The following GLS2 variants were observed in gnomAD, a reference collection of about 807,000 sequenced individuals.
GLS2 encodes the protein glutaminase liver isoform, mitochondrial.
In GLS2, 52 loss-of-function variants were observed where a neutral mutation model predicts 79.0. The ratio of observed to expected loss-of-function variants is 0.66; its 90% CI spans 0.53 to 0.83. The LOEUF is 0.83. GLS2 is among the 40% of genes least tolerant of loss of function. The pLI, the probability that GLS2 is intolerant of heterozygous loss-of-function variation, is 0.00. For synonymous variants in GLS2, 238 were observed against 280.8 expected, an observed-to-expected ratio of 0.85 and a Z score of 1.52; for missense variants, 561 against 764.8, an observed-to-expected ratio of 0.73 and a Z score of 3.14.
In GLS2 at chr12:56,471,707, C is replaced by T. The variant is rs925038346; in HGVS notation, c.1653-64G>A. The T allele has an allele frequency of 5.6e-6, 9 of 1,611,790 alleles. No individual in the cohort carries two copies. The African/African-American group carries it at 1.1e-4, about 19-fold the overall frequency. On this transcript the variant is annotated intron_variant, in intron 17 of 17. Coordinates refer to ENST00000311966, the MANE Select transcript of GLS2 (RefSeq NM_013267.4). ...GGAGAGTGGTGGTTGTATATATTTG[C>T]ATGGTGGCTGGAGGGTAGGTGGAGA...
At chr12:56,484,734 G>A (rs1870553189) in intron 1 of GLS2, among the ~76,000 whole-genome samples, 1 of 152,180 alleles carries the variant, frequency 6.6e-6, no homozygotes. Context: ...CTCAGATATG[G>A]ATGGATCACC....
chr12:56,478,974 ACT>A lies in GLS2; in HGVS notation c.534+76_534+77del, dbSNP rs2136189004. The A allele has an allele frequency of 8.6e-6, 13 of 1,518,736 alleles. No homozygotes were observed. In the South Asian group the frequency reaches 1.2e-4, roughly 15 times the overall value. 94.1% of individuals were successfully genotyped at this position (1,518,736 alleles called of 1,614,324 possible). A position where few individuals can be genotyped will look rare whatever the true frequency, so the allele number is the denominator to read the frequency against. On this transcript the variant is annotated intron_variant, in intron 4 of 17. Transcript: ENST00000311966. ...ACTCCAGCCCGGGTGACAGAGCAAA[ACT>A]CTGTCTCAGGAAAAAAAAAAAAAAA...
intron 5 of GLS2, 31 bp from the exon 6 acceptor site, chr12:56,478,127 TG>T: frequency 6.2e-7 from 1 of 1,614,108 alleles, no homozygotes; most frequent in South Asian, 1.1e-5. Context: ...TGAAAGGGGT[TG>T]GCCTGTGTTC....
chr12:56,476,062 T>C, intron 7 of GLS2, 85 bp from the exon 8 acceptor site: 1 of 1,348,292 alleles, frequency 7.4e-7, no homozygotes, highest in Non-Finnish European at 1.0e-6. Context: ...GGAGTTCTAG[T>C]GTTAGTCTGG....
intron 9 of GLS2, 175 bp from the exon 10 acceptor site, chr12:56,475,285 C>T: frequency 6.7e-7 from 1 of 1,485,332 alleles, no homozygotes; most frequent in Non-Finnish European, 9.1e-7. Context: ...AAACACTCAG[C>T]ATAGTTTTGT....
Position 56,473,231 on chromosome 12 carries a change from A to C in GLS2, c.1446T>G (p.Ile482Met). The C allele has an allele frequency of 6.2e-7, 1 of 1,613,936 alleles. No individual in the cohort carries two copies. The highest frequency in any genetic ancestry group is 8.5e-7 in the Non-Finnish European group (1 of 1,179,952). Residue 482 changes from isoleucine (I) to methionine (M), a missense_variant, in exon 14 of 18, where the codon ATT becomes ATG. By Grantham distance (10) the Ile-to-Met change is conservative. Coordinates refer to ENST00000311966, the MANE Select transcript of GLS2 (RefSeq NM_013267.4). Reference sequence around the variant, plus strand: ...AGCCACCTGGAGTTTTCCTTACCCGAATTTCTGCCCCTTCACGCCGTGGGT... The same window carrying C: ...AGCCACCTGGAGTTTTCCTTACCCGCATTTCTGCCCCTTCACGCCGTGGGT... ...KLDPRREGAE[I>M]RNKTVVNLLF...
At chr12:56,482,768 G>GT (rs1290306649) in intron 1 of GLS2, among the ~76,000 whole-genome samples, 3 of 152,082 alleles carry the variant, frequency 2.0e-5, no homozygotes, top group African/African-American at 7.2e-5. Flanking sequence ...AAGAGTTATT[G>GT]TTTTTTTAAG....
In GLS2 at chr12:56,487,742, T is replaced by A. The variant is rs958748680; in HGVS notation, c.182+195A>T. ...CCAGGACCCGCTTGCCCGAACGCACTCCTAGGCAGACGGCAGATTACCGCC... is the reference window on the plus strand; with the variant it reads ...CCAGGACCCGCTTGCCCGAACGCACACCTAGGCAGACGGCAGATTACCGCC... On this transcript the variant is annotated intron_variant, in intron 1 of 17. Transcript: ENST00000311966. 43 of 682,116 alleles carry A rather than the reference T, an allele frequency of 6.3e-5. 1 individual carries two copies. Among genetic ancestry groups the A allele is most frequent in the Non-Finnish European group, 9.5e-5 (40 of 421,370 alleles). The allele number at this position is 682,116 out of a possible 1,614,324, so 42.3% of individuals were successfully genotyped here.
intron 12 of GLS2, 57 bp downstream of exon 12, chr12:56,474,487 G>T (rs1436628001): frequency 1.9e-6 from 3 of 1,591,686 alleles, no homozygotes; most frequent in Non-Finnish European, 1.7e-6. Flanking sequence ...GAGAGTCAGT[G>T]TTCTCTCTTC....
intron 9 of GLS2, 137 bp from the exon 10 acceptor site, chr12:56,475,247 ATAT>A (rs1336731175): frequency 5.7e-6 from 9 of 1,577,046 alleles, no homozygotes; most frequent in Admixed American, 1.8e-5. Context: ...TCTCACAGTA[ATAT>A]TAGAGGAAAT....
Position 56,477,959 on chromosome 12 carries a change from T to A in GLS2, c.752A>T (p.Tyr251Phe), listed in dbSNP as rs1284436192. Reference protein sequence around the residue: ...FVGKEPSGLRYNKLSLNEEGI... With the variant: ...FVGKEPSGLRFNKLSLNEEGI... ...TTCCTCATTGAGGGAGAGCTTGTTG[T>A]AGCGCAGGCCACTTGGCTCTTTGCC... is the stretch of plus-strand genomic sequence containing the variant. Residue 251 changes from tyrosine (Y) to phenylalanine (F), a missense_variant, in exon 6 of 18, where the codon TAC (tyrosine) becomes TTC (phenylalanine). Physicochemically the swap from Tyr to Phe is conservative, Grantham distance 22. Transcript: ENST00000311966. 1 of 1,613,968 alleles carries A rather than the reference T, an allele frequency of 6.2e-7. No individual in the cohort carries two copies. The highest frequency in any genetic ancestry group is 8.5e-7 in the Non-Finnish European group (1 of 1,179,840).
chr12:56,484,754 T>C (rs907103135), intron 1 of GLS2, among the ~76,000 whole-genome samples: 4 of 152,104 alleles, frequency 2.6e-5, no homozygotes, highest in Non-Finnish European at 4.4e-5. Context: ...CAATGTAATG[T>C]TGAGGGAAAA....
At chr12:56,471,735 C>G (rs1205612798) in intron 17 of GLS2, 38 bp downstream of exon 17, 1 of 1,611,878 alleles carries the variant, frequency 6.2e-7, no homozygotes, top group Non-Finnish European at 8.5e-7. Flanking sequence ...GGTGGAGAAG[C>G]TGTGCCCACC....
chr12:56,478,985 GGAAAA>G, intron 4 of GLS2, 62 bp downstream of exon 4: 1 of 1,186,942 alleles, frequency 8.4e-7, no homozygotes. Context: ...CTCTGTCTCA[GGAAAA>G]AAAAAAAAAA....
intron 15 of GLS2, 116 bp downstream of exon 15, chr12:56,472,574 T>G: frequency 1.1e-6 from 1 of 916,602 alleles, no homozygotes. Context: ...TTAAATGCAA[T>G]CTATATCCAT....
rs368012875 is a variant in GLS2 at position 56,483,071 on chromosome 12, T to C, written c.183-2684A>G. ...TCATCACATTGTTGTTTTTTCTTTT[T>C]TCTTTTTCTTTCTTTTTTTTTTTTT... On this transcript the variant is annotated intron_variant, in intron 1 of 17. Transcript: ENST00000311966. Among the ~76,000 whole-genome samples the C allele has an allele frequency of 3.3e-5, 5 of 151,906 alleles. No individual in the cohort carries two copies. In the South Asian group the frequency reaches 6.2e-4, roughly 19 times the overall value.
Position 56,479,754 on chromosome 12 carries a change from A to T in GLS2, c.404+26T>A, listed in dbSNP as rs761623658. 3 of 1,583,682 alleles carry T rather than the reference A, an allele frequency of 1.9e-6. No individual in the cohort carries two copies. The South Asian group carries it at 3.4e-5, about 18-fold the overall frequency. ...GTCCACAGGACAGTTTTCAGAGAGC[A>T]GTGCCCTTGTTTCTGGGGCCCTCAC... On this transcript the variant is annotated intron_variant, in intron 3 of 17. Coordinates refer to ENST00000311966, the MANE Select transcript of GLS2 (RefSeq NM_013267.4).
At position 56,473,584 on chromosome 12, in the gene GLS2, G is replaced by A; in HGVS notation, c.1235C>T (p.Pro412Leu). 6.2e-7 allele frequency: 1 copy of A among 1,610,294 alleles called. No individual in the cohort carries two copies. Among genetic ancestry groups the A allele is most frequent in the Non-Finnish European group, 8.5e-7 (1 of 1,178,812 alleles). Reference protein sequence around the residue: ...SGQFAFHVGLPAKSAVSGAIL... With the variant: ...SGQFAFHVGLLAKSAVSGAIL... ...GGCTCCTGATACAGCTGACTTGGCT[G>A]GCAGGCCCACCTGGGGAACAGAACT... The change falls in exon 13 of 18, where the codon CCA becomes CTA. Residue 412 changes from proline (P) to leucine (L), a missense_variant. This residue lies in a region of GLS2 where 221 missense variants were observed against 275.6 expected (regional missense o/e 0.80). Coordinates refer to ENST00000311966, the MANE Select transcript of GLS2 (RefSeq NM_013267.4).
At chr12:56,476,224 AC>A in intron 7 of GLS2, 1 of 473,264 alleles carries the variant, frequency 2.1e-6, no homozygotes, top group Non-Finnish European at 3.8e-6. Context: ...GTGCAGTGGC[AC>A]GATCATGGCT....
Sources: allele counts gnomAD v4.1 joint callset (sites outside exome capture counted in the v4.1 genomes callset), GRCh38; gene constraint gnomAD v4.1.1; regional missense constraint gnomAD v4.1.1; transcripts MANE v1.5; gene names NCBI Gene and HGNC (gene_info 2026-07-23, HGNC 2026-07-21).